The following PCBD2 variants were observed in gnomAD, a reference collection of about 807,000 sequenced individuals.
PCBD2 encodes the protein pterin-4-alpha-carbinolamine dehydratase 2.
PCBD2 carries 12 observed loss-of-function variants against 16.4 expected under a neutral mutation model. The ratio of observed to expected loss-of-function variants is 0.73; its 90% CI spans 0.47 to 1.19. PCBD2 has a LOEUF of 1.19. PCBD2 is among the 50% of genes most tolerant of loss of function. The probability of loss-of-function intolerance (pLI) is 0.00; values close to 1 mark genes in which losing one functional copy is unlikely to be tolerated. For synonymous variants in PCBD2, 58 were observed against 61.8 expected (o/e 0.94, Z 0.29); for missense variants, 138 against 156.8 (o/e 0.88, Z 0.64).
chr5:134,945,835 T>C (rs1404647046), intron 2 of PCBD2, among the ~76,000 whole-genome samples: 1 of 152,152 alleles, frequency 6.6e-6, no homozygotes, highest in Non-Finnish European at 1.5e-5. Context: ...GTAGTGATGT[T>C]AAGAAGTAAC....
chr5:134,925,906 G>A, intron 2 of PCBD2: 3 of 392,804 alleles, frequency 7.6e-6, no homozygotes, highest in Non-Finnish European at 1.4e-5. Context: ...TCATGCTAGG[G>A]CAAGGATGAA....
At chr5:134,924,468 G>A (rs1234408115) in intron 2 of PCBD2, 11 of 397,078 alleles carry the variant, frequency 2.8e-5, no homozygotes, top group Non-Finnish European at 4.9e-5. Flanking sequence ...GGTGGTTGTG[G>A]TAAATTTTAA....
chr5:134,946,407 C>T (rs1293723640), intron 2 of PCBD2, among the ~76,000 whole-genome samples: 2 of 152,110 alleles, frequency 1.3e-5, no homozygotes, highest in Non-Finnish European at 2.9e-5. Flanking sequence ...AGGCTTTTTT[C>T]TTCCATGGAC....
intron 2 of PCBD2, among the ~76,000 whole-genome samples, chr5:134,937,247 A>G (rs1222425752): frequency 2.0e-5 from 3 of 152,228 alleles, no homozygotes; most frequent in African/African-American, 7.2e-5. Flanking sequence ...TTTGGCTATT[A>G]TAATAATATG....
rs1158334317 is a variant in PCBD2, at chr5:134,906,194, A to ATTTTTTTTTTTTTTT, written c.84+984_84+998dup. Among the ~76,000 whole-genome samples, 10 of 66,522 alleles carry ATTTTTTTTTTTTTTT rather than the reference A, an allele frequency of 1.5e-4. 1 individual carries two copies. Among genetic ancestry groups the ATTTTTTTTTTTTTTT allele is most frequent in the African/African-American group, 6.1e-4 (9 of 14,662 alleles). 43.6% of individuals were successfully genotyped at this position (66,522 alleles called of 152,430 possible). ...TGGCCTGAAATTCTTTAATAGAAGAATTTTTTTTTTTTTTTTTTTTTTTTT... is the reference window on the plus strand; with the variant it reads ...TGGCCTGAAATTCTTTAATAGAAGAATTTTTTTTTTTTTTTTTTTTTTTTTTTTTTTTTTTTTTTT... On this transcript the variant is annotated intron_variant, in intron 1 of 3. Transcript: ENST00000254908.
intron 2 of PCBD2, chr5:134,924,092 A>C: frequency 2.5e-6 from 1 of 397,702 alleles, no homozygotes; most frequent in African/African-American, 2.1e-5. Flanking sequence ...TTTTCATATC[A>C]TTGGTCGTGG....
chr5:134,953,139 T>G (rs1751377521), intron 2 of PCBD2, among the ~76,000 whole-genome samples: 1 of 151,958 alleles, frequency 6.6e-6, no homozygotes, highest in African/African-American at 2.4e-5. Flanking sequence ...TGGATTTATG[T>G]TCTTTACATT....
chr5:134,935,267 GC>G (rs1449402022), intron 2 of PCBD2, among the ~76,000 whole-genome samples: 17 of 152,198 alleles, frequency 1.1e-4, no homozygotes, highest in African/African-American at 4.1e-4. Context: ...TGACTCTGCT[GC>G]CCGTGCCTGA....
chr5:134,927,096 A>G, intron 2 of PCBD2: 1 of 398,548 alleles, frequency 2.5e-6, no homozygotes, highest in East Asian at 3.6e-5. Context: ...GACTATGAGA[A>G]TGACTGCGCC....
intron 2 of PCBD2, among the ~76,000 whole-genome samples, chr5:134,938,203 G>A (rs557240432): frequency 2.6e-5 from 4 of 152,302 alleles, no homozygotes; most frequent in Admixed American, 1.3e-4. Context: ...CCATGCCTAC[G>A]ATGTCGCTGC....
chr5:134,914,402 T>C (rs561737635), intron 2 of PCBD2, among the ~76,000 whole-genome samples: 2 of 152,300 alleles, frequency 1.3e-5, no homozygotes, highest in South Asian at 4.1e-4. Context: ...GTTCTCAGTG[T>C]CACTACAGAT....
intron 2 of PCBD2, among the ~76,000 whole-genome samples, chr5:134,913,894 A>C (rs1180793806): frequency 6.6e-6 from 1 of 152,108 alleles, no homozygotes; most frequent in African/African-American, 2.4e-5. Context: ...TGTAAAGGGT[A>C]GTGCCACTGG....
At chr5:134,957,205 GC>G (rs577322573) in intron 2 of PCBD2, among the ~76,000 whole-genome samples, 1 of 152,202 alleles carries the variant, frequency 6.6e-6, no homozygotes, top group Non-Finnish European at 1.5e-5. Flanking sequence ...GCTGCCGTGA[GC>G]CAAGATAATC....
chr5:134,959,011 G>T, intron 2 of PCBD2, 29 bp from the exon 3 acceptor site: 1 of 1,578,874 alleles, frequency 6.3e-7, no homozygotes, highest in Non-Finnish European at 8.7e-7. Context: ...GACAATGTCA[G>T]TAATTACTCT....
At chr5:134,935,038 A>G (rs924603750) in intron 2 of PCBD2, among the ~76,000 whole-genome samples, 3 of 152,238 alleles carry the variant, frequency 2.0e-5, no homozygotes, top group East Asian at 1.9e-4. Flanking sequence ...GATTTGTTCA[A>G]TGGAGGTCAG....
At chr5:134,919,979 A>C (rs1008187066) in intron 2 of PCBD2, among the ~76,000 whole-genome samples, 1 of 152,200 alleles carries the variant, frequency 6.6e-6, no homozygotes, top group African/African-American at 2.4e-5. Flanking sequence ...GTGGCTGAGC[A>C]GTGCTGCACT....
intron 2 of PCBD2, among the ~76,000 whole-genome samples, chr5:134,912,033 C>T (rs1401548841): frequency 6.6e-6 from 1 of 152,192 alleles, no homozygotes; most frequent in Admixed American, 6.5e-5. Context: ...TGCCTCAGGC[C>T]CTGCCTATGA....
At chr5:134,905,351 G>A in intron 1 of PCBD2, 128 bp downstream of exon 1, 8 of 841,696 alleles carry the variant, frequency 9.5e-6, no homozygotes, top group Non-Finnish European at 1.3e-5. Context: ...GAGCTCGGGC[G>A]TCGGGTCACC....
At chr5:134,942,882 A>G (rs572442234) in intron 2 of PCBD2, among the ~76,000 whole-genome samples, 1 of 152,256 alleles carries the variant, frequency 6.6e-6, no homozygotes, top group Non-Finnish European at 1.5e-5. Context: ...TTTCCATCAT[A>G]TTGCATTGTT....
Sources: gnomAD v4.1 joint callset for allele counts (sites outside exome capture counted in the v4.1 genomes callset) on GRCh38, gnomAD v4.1.1 for gene constraint, MANE v1.5 for transcripts, NCBI Gene and HGNC (gene_info 2026-07-23, HGNC 2026-07-21) for gene names.